FTO: variants seen among roughly 807,000 people sequenced by gnomAD.
The protein encoded by FTO is alpha-ketoglutarate-dependent dioxygenase FTO.
In FTO, 47 loss-of-function variants were observed where a neutral mutation model predicts 63.9. The ratio of observed to expected loss-of-function variants is 0.74; its 90% confidence interval spans 0.58 to 0.94. The LOEUF is 0.94. Ranked by LOEUF, FTO falls within the 40% of genes least tolerant of loss-of-function variation. FTO has a pLI of 0.00. For missense variants in FTO, 562 were observed against 618.1 expected (o/e 0.91, Z 0.96); for synonymous variants, 207 against 224.4 (o/e 0.92, Z 0.69).
chr16:54,037,859 G>T (rs1448726289), intron 8 of FTO, among the ~76,000 whole-genome samples: 2 of 152,092 alleles, frequency 1.3e-5, no homozygotes, highest in Non-Finnish European at 2.9e-5. Flanking sequence ...ATATCAACTA[G>T]GCTTGTTAGA....
chr16:54,104,381 C>T (rs1439083608), intron 8 of FTO, among the ~76,000 whole-genome samples: 1 of 149,590 alleles, frequency 6.7e-6, no homozygotes, highest in Non-Finnish European at 1.5e-5. Context: ...GGTTCGATCT[C>T]GGCTCGCTGC....
At chr16:53,764,133 A>G (rs541080459) in intron 1 of FTO, 2 of 152,330 alleles carry the variant, frequency 1.3e-5, no homozygotes, top group African/African-American at 4.8e-5. Context: ...CACTCAATGA[A>G]TATTAGCTCC....
At position 53,826,258 on chromosome 16, in the gene FTO, C is replaced by T. The variant is rs755136162; in HGVS notation, c.518C>T (p.Ser173Phe). The T allele has an allele frequency of 6.2e-7, 1 of 1,614,202 alleles. No individual in the cohort carries two copies. Among genetic ancestry groups the T allele is most frequent in the Non-Finnish European group, 8.5e-7 (1 of 1,180,032 alleles). ...ANEDAVPLCM[S>F]ADFPRVGMGS... is the part of the protein sequence containing the mutation. ...GAGGATGCTGTGCCATTGTGTATGT[C>T]TGCAGATTTCCCCAGGGTTGGGATG... The change falls in exon 3 of 9, where the codon TCT becomes TTT. Residue 173 changes from serine to phenylalanine, a missense_variant. Ser to Phe is a radical substitution (Grantham distance 155, BLOSUM62 -2). Coordinates refer to ENST00000471389, the MANE Select transcript of FTO (RefSeq NM_001080432.3).
At chr16:53,726,493 G>C (rs1417039738) in intron 1 of FTO, among the ~76,000 whole-genome samples, 3 of 152,150 alleles carry the variant, frequency 2.0e-5, no homozygotes, top group South Asian at 4.1e-4. Context: ...CTACCTCTGT[G>C]TCTAAAAGCA....
intron 8 of FTO, among the ~76,000 whole-genome samples, chr16:54,092,145 T>C (rs1177617026): frequency 6.6e-6 from 1 of 152,184 alleles, no homozygotes; most frequent in East Asian, 1.9e-4. Context: ...TATCTGGGCA[T>C]GATGGCACAT....
chr16:53,994,481 C>T (rs2083889091), intron 8 of FTO: 1 of 152,262 alleles, frequency 6.6e-6, no homozygotes. Context: ...CCACCTCAGC[C>T]TCCTAAGTAG....
intron 8 of FTO, chr16:54,040,010 T>C (rs909849134): frequency 1.3e-5 from 2 of 152,224 alleles, no homozygotes; most frequent in African/African-American, 4.8e-5. Context: ...TACACTTAAC[T>C]GCTCCTCTCC....
At chr16:53,754,500 C>T (rs950216660) in intron 1 of FTO, among the ~76,000 whole-genome samples, 2 of 152,134 alleles carry the variant, frequency 1.3e-5, no homozygotes, top group African/African-American at 2.4e-5. Flanking sequence ...TGGCCGGGCA[C>T]GGTGGCGGAT....
intron 8 of FTO, among the ~76,000 whole-genome samples, chr16:54,067,792 T>C (rs2085768671): frequency 6.6e-6 from 1 of 152,230 alleles, no homozygotes; most frequent in Non-Finnish European, 1.5e-5. Context: ...ATTTGTATGC[T>C]AAATAATTCA....
rs147689831 is a variant in FTO at position 53,917,804 on chromosome 16, C to T, written c.1240-16181C>T. ...AATATGTGCCGAGTAGCAGGTAGTTCTGACATTGAAGACTCTGTAGACAGT... is the reference window on the plus strand; with the variant it reads ...AATATGTGCCGAGTAGCAGGTAGTTTTGACATTGAAGACTCTGTAGACAGT... On this transcript the variant is annotated intron_variant, in intron 7 of 8. Coordinates refer to ENST00000471389, the MANE Select transcript of FTO (RefSeq NM_001080432.3). Among the ~76,000 whole-genome samples, 569 of 151,706 alleles carry T rather than the reference C, an allele frequency of 3.8e-3. 2 individuals are homozygous for T. The highest frequency in any genetic ancestry group is 0.01 in the Middle Eastern group (3 of 294).
chr16:53,934,095 A>C lies in FTO; in HGVS notation c.1350A>C (p.Arg450Ser). Residue 450 changes from arginine (R) to serine (S), a missense_variant, in exon 8 of 9, where the codon AGA becomes AGC. By Grantham distance (110) the Arg-to-Ser change is moderately radical. Coordinates refer to ENST00000471389, the MANE Select transcript of FTO (RefSeq NM_001080432.3). ...TCACTGCACGCCAGAACCTGAGGAGAGAATGGCATGCCAGGTTAGTTCTGT... is the reference window on the plus strand; with the variant it reads ...TCACTGCACGCCAGAACCTGAGGAGCGAATGGCATGCCAGGTTAGTTCTGT... ...ASLTARQNLR[R>S]EWHARCQSRI... 1 of 1,614,196 alleles carries C rather than the reference A, an allele frequency of 6.2e-7. No homozygotes were observed. The highest frequency in any genetic ancestry group is 8.5e-7 in the Non-Finnish European group (1 of 1,180,008).
intron 8 of FTO, among the ~76,000 whole-genome samples, chr16:54,108,760 G>A (rs181997679): frequency 2.0e-5 from 3 of 152,180 alleles, no homozygotes; most frequent in South Asian, 2.1e-4. Flanking sequence ...TATTATTACC[G>A]TCACCACTTG....
chr16:54,054,827 G>T (rs777962547), intron 8 of FTO, among the ~76,000 whole-genome samples: 50 of 152,144 alleles, frequency 3.3e-4, no homozygotes, highest in Non-Finnish European at 5.6e-4. Flanking sequence ...TCATAGAGAC[G>T]GCTGAGTGGA....
chr16:53,905,534 C>T (rs2081514143), intron 7 of FTO, among the ~76,000 whole-genome samples: 2 of 152,188 alleles, frequency 1.3e-5, no homozygotes, highest in South Asian at 4.1e-4. Context: ...CACCTGAGTT[C>T]CTGTTGCTCC....
At chr16:53,767,413 T>C (rs1163966445) in intron 1 of FTO, among the ~76,000 whole-genome samples, 1 of 152,170 alleles carries the variant, frequency 6.6e-6, no homozygotes, top group East Asian at 1.9e-4. Context: ...AAATGACGAG[T>C]TAATGGGTGC....
intron 4 of FTO, among the ~76,000 whole-genome samples, chr16:53,846,377 T>A (rs895360551): frequency 2.6e-5 from 4 of 152,228 alleles, no homozygotes; most frequent in Non-Finnish European, 5.9e-5. Flanking sequence ...TGAGTCTTAA[T>A]AGATGTTAGT....
At chr16:53,810,970 G>A (rs2078504077) in intron 2 of FTO, among the ~76,000 whole-genome samples, 1 of 152,150 alleles carries the variant, frequency 6.6e-6, no homozygotes, top group South Asian at 2.1e-4. Flanking sequence ...AAGTTAGTGA[G>A]TTCTTTTTCC....
At chr16:53,953,291 C>T (rs1251470206) in intron 8 of FTO, among the ~76,000 whole-genome samples, 1 of 152,236 alleles carries the variant, frequency 6.6e-6, no homozygotes, top group Non-Finnish European at 1.5e-5. Flanking sequence ...AAGCATTTGG[C>T]TCTGGAAAGT....
At chr16:53,792,683 T>C (rs966683882) in intron 1 of FTO, among the ~76,000 whole-genome samples, 12 of 152,334 alleles carry the variant, frequency 7.9e-5, no homozygotes, top group South Asian at 4.1e-4. Flanking sequence ...TGAAATCTCA[T>C]GGAGCTCTAT....
Sources: gnomAD v4.1 joint callset for allele counts (sites outside exome capture counted in the v4.1 genomes callset) on GRCh38, gnomAD v4.1.1 for gene constraint, MANE v1.5 for transcripts, NCBI Gene and HGNC (gene_info 2026-07-23, HGNC 2026-07-21) for gene names.